The following RXRB variants were observed in gnomAD, a reference collection of about 807,000 sequenced individuals.
The protein encoded by RXRB is retinoid X receptor beta, also known as retinoic acid receptor RXR-beta.
Under a neutral mutation model 52.5 loss-of-function variants are expected in RXRB, and 18 were observed. The observed-to-expected ratio is 0.34, with a 90% CI of 0.24 to 0.51. The LOEUF is 0.51. Ranked by LOEUF, RXRB falls within the 20% of genes least tolerant of loss-of-function variation. The pLI, the probability that RXRB is intolerant of heterozygous loss-of-function variation, is 0.97. For missense variants in RXRB, 455 were observed against 698.2 expected (o/e 0.65, Z 3.92); for synonymous variants, 233 against 267.1 (o/e 0.87, Z 1.25).
chr6:33,194,914 G>A lies in RXRB; in HGVS notation c.1454+31C>T. ...CCTCATAGCACTCCCCACCCCCAAG[G>A]GAGCCTCAGTGCCCCCCAGCCCCAT... is the stretch of plus-strand genomic sequence containing the variant. On this transcript the variant is annotated intron_variant, in intron 9 of 9. Transcript: ENST00000374680. This position sits in a 1 kb window ranked among gnomAD's most constrained non-coding sequence, Gnocchi z 4.1. 1 of 1,610,994 alleles carries A rather than the reference G, an allele frequency of 6.2e-7. No individual in the cohort carries two copies. The highest frequency in any genetic ancestry group is 2.2e-5 in the East Asian group (1 of 44,840).
rs748632306 is a variant in RXRB, at chr6:33,194,667, C to A, written c.*15G>T. 2.2e-5 allele frequency: 36 copies of A among 1,611,024 alleles called. No individual in the cohort carries two copies. The highest frequency in any genetic ancestry group is 3.0e-5 in the Non-Finnish European group (35 of 1,179,004). The stretch of plus-strand genomic sequence containing the variant: ...TGCTCCTCCAGTGTGAGAAGCACCA[C>A]GTCTGGGTCTGAGCTCAGGCCAGTT... On this transcript the variant is annotated 3_prime_UTR_variant, in exon 10 of 10. Transcript: ENST00000374680. This position sits in a 1 kb window ranked among gnomAD's most constrained non-coding sequence, Gnocchi z 4.1.
upstream of RXRB, chr6:33,200,696 C>A (rs1774449781): frequency 1.3e-6 from 2 of 1,546,050 alleles, no homozygotes; most frequent in Admixed American, 3.9e-5. This position sits in a 1 kb window ranked among gnomAD's most constrained non-coding sequence, Gnocchi z 6.3. Context: ...GCCCCCTCGT[C>A]TAGTTGGAAA....
chr6:33,200,456 C>A lies in RXRB; in HGVS notation c.21G>T (p.Pro7=). MSWAAR[P]PFLPQRHAAG... ...CGGCATGCCGCTGAGGGAGGAAGGG[C>A]GGGCGAGCGGCCCAAGACATGATCC... Residue 7 remains proline, a synonymous_variant, in exon 1 of 10, where the codon CCG becomes CCT. Coordinates refer to ENST00000374680, the MANE Select transcript of RXRB (RefSeq NM_021976.5). This position sits in a 1 kb window ranked among gnomAD's most constrained non-coding sequence, Gnocchi z 6.3. 6.3e-7 allele frequency: 1 copy of A among 1,592,218 alleles called. No homozygotes were observed. Among genetic ancestry groups the A allele is most frequent in the Non-Finnish European group, 8.5e-7 (1 of 1,171,674 alleles).
At position 33,200,345 on chromosome 6, in the gene RXRB, A is replaced by T. The variant is rs781605443; in HGVS notation, c.132T>A (p.Asp44Glu). 1 of 1,580,934 alleles carries T rather than the reference A, an allele frequency of 6.3e-7. No individual in the cohort carries two copies. Among genetic ancestry groups the T allele is most frequent in the South Asian group, 1.1e-5 (1 of 87,994 alleles). ...CCGCCGCCGCCGCCGCCGCTGCGGG[A>T]TCCAGCCAGGGCCGTCGCCGCCGCC... is the stretch of plus-strand genomic sequence containing the variant. Reference protein sequence around the residue: ...SRWRRRRPWLDPAAAAAAAVA... With the variant: ...SRWRRRRPWLEPAAAAAAAVA... The change falls in exon 1 of 10, where the codon GAT (aspartate) becomes GAA (glutamate). Residue 44 changes from aspartate to glutamate, a missense_variant. Around this residue, in one of 4 missense-constraint regions of RXRB, gnomAD observed 225 missense variants for 258.6 expected, o/e 0.87. Coordinates refer to ENST00000374680, the MANE Select transcript of RXRB (RefSeq NM_021976.5). The surrounding 1 kb of genome is among the most constrained non-coding windows in gnomAD (Gnocchi z 6.3).
At chr6:33,200,714 G>T (rs1774452177), upstream of RXRB, 9 of 1,546,266 alleles carry the variant, frequency 5.8e-6, no homozygotes. This position sits in a 1 kb window ranked among gnomAD's most constrained non-coding sequence, Gnocchi z 6.3. Flanking sequence ...AAACCGAGGA[G>T]GCGGTCTCCT....
intron 2 of RXRB, 139 bp from the exon 3 acceptor site, chr6:33,198,603 A>G: frequency 1.2e-6 from 1 of 850,694 alleles, no homozygotes. Flanking sequence ...ACTGCAGTCT[A>G]TGTGAAAGGC....
Position 33,194,287 on chromosome 6 carries a change from T to C in RXRB, c.*395A>G. On this transcript the variant is annotated 3_prime_UTR_variant, in exon 10 of 10. Transcript: ENST00000374680. The surrounding 1 kb of genome is among the most constrained non-coding windows in gnomAD (Gnocchi z 4.1). ...TCAGCTTGGGAGGCCTGCCCCCCAG[T>C]ATCCACCTCTGGGGGAGTTCCCCAT... The C allele has an allele frequency of 5.9e-6, 1 of 170,264 alleles. No homozygotes were observed. Among genetic ancestry groups the C allele is most frequent in the East Asian group, 1.6e-4 (1 of 6,142 alleles). 10.5% of individuals were successfully genotyped at this position (170,264 alleles called of 1,614,324 possible).
At position 33,197,668 on chromosome 6, in the gene RXRB, A is replaced by C. The variant is rs1774020220; in HGVS notation, c.820+94T>G. ...TCAAATATCGCCCTCTAGAGGAGAG[A>C]GAGCAGTCCACCCTTCCAGAGAGGT... On this transcript the variant is annotated intron_variant, in intron 4 of 9. Coordinates refer to ENST00000374680, the MANE Select transcript of RXRB (RefSeq NM_021976.5). The surrounding 1 kb of genome is among the most constrained non-coding windows in gnomAD (Gnocchi z 4.4). 1.8e-6 allele frequency: 2 copies of C among 1,140,310 alleles called. No homozygotes were observed. The highest frequency in any genetic ancestry group is 4.4e-5 in the Admixed American group (2 of 45,848). 70.6% of individuals were successfully genotyped at this position (1,140,310 alleles called of 1,614,324 possible). A position where few individuals can be genotyped will look rare whatever the true frequency, so the allele number is the denominator to read the frequency against.
In RXRB at chr6:33,200,519, T is replaced by G. The variant is rs1379045068; in HGVS notation, c.-43A>C. ...AGGGATACCGAAGAGGTCCCAGGGATTCCCAAGGATTGATCGGAGGATTAG... is the reference window on the plus strand; with the variant it reads ...AGGGATACCGAAGAGGTCCCAGGGAGTCCCAAGGATTGATCGGAGGATTAG... On this transcript the variant is annotated 5_prime_UTR_variant, in exon 1 of 10. Transcript: ENST00000374680. This position sits in a 1 kb window ranked among gnomAD's most constrained non-coding sequence, Gnocchi z 6.3. 11 of 1,543,830 alleles carry G rather than the reference T, an allele frequency of 7.1e-6. No individual in the cohort carries two copies. The highest frequency in any genetic ancestry group is 9.6e-6 in the Non-Finnish European group (11 of 1,146,110).
At chr6:33,200,712 G>A (rs1444987365), upstream of RXRB, 15 of 1,546,512 alleles carry the variant, frequency 9.7e-6, no homozygotes, top group Non-Finnish European at 1.2e-5. This position sits in a 1 kb window ranked among gnomAD's most constrained non-coding sequence, Gnocchi z 6.3. Context: ...GGAAACCGAG[G>A]AGGCGGTCTC....
chr6:33,198,446 G>A lies in RXRB; in HGVS notation c.502C>T (p.Leu168Phe). The A allele has an allele frequency of 1.2e-6, 2 of 1,612,670 alleles. No homozygotes were observed. The highest frequency in any genetic ancestry group is 1.7e-6 in the Non-Finnish European group (2 of 1,179,756). ...SSPQINSTVS[L>F]PGGGSGPPED... ...GGGGGGCCAGACCCACCCCCAGGGAGTGACACTGTTGAGTTAATCTGGGAT... is the reference window on the plus strand; with the variant it reads ...GGGGGGCCAGACCCACCCCCAGGGAATGACACTGTTGAGTTAATCTGGGAT... The change falls in exon 3 of 10, where the codon CTC (leucine) becomes TTC (phenylalanine). Residue 168 changes from leucine (L) to phenylalanine (F), a missense_variant. Transcript: ENST00000374680.
Position 33,193,676 on chromosome 6 carries a change from A to G in RXRB, c.*1006T>C, listed in dbSNP as rs1442693671. 2 of 151,958 alleles carry G rather than the reference A, an allele frequency of 1.3e-5. No homozygotes were observed. Among genetic ancestry groups the G allele is most frequent in the Non-Finnish European group, 2.9e-5 (2 of 68,010 alleles). 9.4% of individuals were successfully genotyped at this position (151,958 alleles called of 1,614,324 possible). A position where few individuals can be genotyped will look rare whatever the true frequency, so the allele number is the denominator to read the frequency against. The stretch of plus-strand genomic sequence containing the variant: ...AGAGAAGGGACGCAGGGCAAAAATC[A>G]TGCAGCCCCAGCACCCCACCTCTGC... On this transcript the variant is annotated 3_prime_UTR_variant, in exon 10 of 10. Coordinates refer to ENST00000374680, the MANE Select transcript of RXRB (RefSeq NM_021976.5).
rs1195928936 is a variant in RXRB at position 33,197,107 on chromosome 6, T to C, written c.821-501A>G. Among the ~76,000 whole-genome samples the C allele has an allele frequency of 6.6e-6, 1 of 152,208 alleles. No individual in the cohort carries two copies. The highest frequency in any genetic ancestry group is 1.5e-5 in the Non-Finnish European group (1 of 68,036). On this transcript the variant is annotated intron_variant, in intron 4 of 9. Coordinates refer to ENST00000374680, the MANE Select transcript of RXRB (RefSeq NM_021976.5). The surrounding 1 kb of genome is among the most constrained non-coding windows in gnomAD (Gnocchi z 4.4). ...CTCTAAGTGTGTCTGAGTGCAAATC[T>C]TGTGCTCTTCTGACTCAACAAATAG...
rs1239314888 is a variant in RXRB at position 33,200,464 on chromosome 6, C to T, written c.13G>A (p.Ala5Thr). Residue 5 changes from alanine (A) to threonine (T), a missense_variant, in exon 1 of 10, where the codon GCT becomes ACT. By Grantham distance (58) the Ala-to-Thr change is moderately conservative. This residue lies in a region of RXRB where 225 missense variants were observed against 258.6 expected (regional missense o/e 0.87). Transcript: ENST00000374680. This position sits in a 1 kb window ranked among gnomAD's most constrained non-coding sequence, Gnocchi z 6.3. ...CGCTGAGGGAGGAAGGGCGGGCGAGCGGCCCAAGACATGATCCCTGGCTGA... is the reference window on the plus strand; with the variant it reads ...CGCTGAGGGAGGAAGGGCGGGCGAGTGGCCCAAGACATGATCCCTGGCTGA... MSWA[A>T]RPPFLPQRHA... 1.3e-6 allele frequency: 2 copies of T among 1,591,438 alleles called. No homozygotes were observed. Among genetic ancestry groups the T allele is most frequent in the South Asian group, 1.1e-5 (1 of 87,846 alleles).
Position 33,197,931 on chromosome 6 carries a change from G to T in RXRB, c.651C>A (p.Tyr217Ter). 6.2e-7 allele frequency: 1 copy of T among 1,613,166 alleles called. No individual in the cohort carries two copies. Among genetic ancestry groups the T allele is most frequent in the Non-Finnish European group, 8.5e-7 (1 of 1,179,926 alleles). ...ICGDRSSGKH[Y>*]GVYSCEGCKG... is the part of the protein sequence containing the mutation. ...TGCAACCCTCACAGCTGTAAACCCC[G>T]TAGTGTTTGCCTACAGGGAAAGGGG... The change falls in exon 4 of 10, where the codon TAC (tyrosine) becomes TAA (stop). Residue 217 changes from tyrosine (Y) to a stop codon, truncating the protein, a stop_gained. Transcript: ENST00000374680. LOFTEE classifies it high-confidence loss of function. This position sits in a 1 kb window ranked among gnomAD's most constrained non-coding sequence, Gnocchi z 4.4.
Position 33,196,215 on chromosome 6 carries a change from T to C in RXRB, c.994-179A>G, listed in dbSNP as rs570711450. 54 of 939,024 alleles carry C rather than the reference T, an allele frequency of 5.8e-5. No homozygotes were observed. The African/African-American group carries it at 6.7e-4, about 12-fold the overall frequency. The allele number at this position is 939,024 out of a possible 1,614,324, so 58.2% of individuals were successfully genotyped here. ...TGCAAACAATTATTTATTTGGGACA[T>C]GCCTATGGTTCTGCCAGTGGGTTGT... is the stretch of plus-strand genomic sequence containing the variant. On this transcript the variant is annotated intron_variant, in intron 5 of 9. Coordinates refer to ENST00000374680, the MANE Select transcript of RXRB (RefSeq NM_021976.5). The surrounding 1 kb of genome is among the most constrained non-coding windows in gnomAD (Gnocchi z 4.0).
intron 2 of RXRB, among the ~76,000 whole-genome samples, chr6:33,198,913 CAAAAAA>C (rs9280361): frequency 4.0e-5 from 3 of 74,126 alleles, no homozygotes; most frequent in African/African-American, 1.0e-4. Flanking sequence ...GACTCCATCT[CAAAAAA>C]AAAAAAAAAA....
At position 33,200,255 on chromosome 6, in the gene RXRB, G is replaced by A; in HGVS notation, c.222C>T (p.Gly74=). Residue 74 remains glycine (G), a synonymous_variant, in exon 1 of 10, where the codon GGC becomes GGT. Coordinates refer to ENST00000374680, the MANE Select transcript of RXRB (RefSeq NM_021976.5). This position sits in a 1 kb window ranked among gnomAD's most constrained non-coding sequence, Gnocchi z 6.3. Reference sequence around the variant, plus strand: ...TGGGGCACTCACCCCGCCCGCTGTCGCCCATCCCGTCCCGTCCAGCCTCCC... The same window carrying A: ...TGGGGCACTCACCCCGCCCGCTGTCACCCATCCCGTCCCGTCCAGCCTCCC... ...EPGEAGRDGM[G]DSGRDSRSPD... 6.2e-7 allele frequency: 1 copy of A among 1,606,738 alleles called. No homozygotes were observed.
chr6:33,200,814 C>T (rs1774465387), upstream of RXRB: 12 of 1,519,618 alleles, frequency 7.9e-6, no homozygotes, highest in Non-Finnish European at 1.1e-5. This position sits in a 1 kb window ranked among gnomAD's most constrained non-coding sequence, Gnocchi z 6.3. Flanking sequence ...TCGTCGCTAC[C>T]GGAGTGCCGC....
Sources: gnomAD v4.1 joint callset for allele counts (sites outside exome capture counted in the v4.1 genomes callset) on GRCh38, gnomAD v4.1.1 for gene constraint, gnomAD v4.1.1 regional missense constraint, Gnocchi (gnomAD v3.1) non-coding constraint, MANE v1.5 for transcripts, NCBI Gene and HGNC (gene_info 2026-07-23, HGNC 2026-07-21) for gene names.